Variants in COL13A1 observed in about 807,000 individuals in gnomAD.
COL13A1 encodes the protein collagen type XIII alpha 1 chain.
COL13A1 carries 89 observed loss-of-function variants against 130.9 expected under a neutral mutation model. The observed-to-expected ratio is 0.68, with a 90% CI of 0.57 to 0.81. COL13A1 has a LOEUF of 0.81. Ranked by LOEUF, COL13A1 falls within the 30% of genes least tolerant of loss-of-function variation. The probability of loss-of-function intolerance (pLI) is 0.00; values close to 1 mark genes in which losing one functional copy is unlikely to be tolerated. For missense variants in COL13A1, 879 were observed against 934.6 expected, an observed-to-expected ratio of 0.94 and a Z score of 0.78; for synonymous variants, 402 against 341.6, an observed-to-expected ratio of 1.18 and a Z score of -1.95.
intron 27 of COL13A1, among the ~76,000 whole-genome samples, chr10:69,928,297 T>G (rs1014990852): frequency 6.6e-6 from 1 of 152,182 alleles, no homozygotes. Context: ...GATAAGTGTA[T>G]ATACCCAAGT....
intron 7 of COL13A1, among the ~76,000 whole-genome samples, chr10:69,884,258 C>G (rs971789140): frequency 6.6e-6 from 1 of 152,152 alleles, no homozygotes; most frequent in Non-Finnish European, 1.5e-5. Context: ...TTTCAGTGAC[C>G]TCATGTTGGT....
intron 35 of COL13A1, among the ~76,000 whole-genome samples, chr10:69,943,132 G>A (rs1463230666): frequency 6.6e-6 from 1 of 152,220 alleles, no homozygotes; most frequent in Non-Finnish European, 1.5e-5. Context: ...ACAGCCGTGA[G>A]CCACTGCGCC....
chr10:69,891,783 C>G (rs2061197969), intron 10 of COL13A1, among the ~76,000 whole-genome samples: 1 of 152,222 alleles, frequency 6.6e-6, no homozygotes, highest in Admixed American at 6.5e-5. Context: ...ATCCTCTAGG[C>G]AGCACTCTGT....
At chr10:69,859,786 G>A (rs1026292504) in intron 2 of COL13A1, among the ~76,000 whole-genome samples, 1 of 152,248 alleles carries the variant, frequency 6.6e-6, no homozygotes, top group African/African-American at 2.4e-5. Context: ...GCAGCCGGAG[G>A]AGACTGGAGT....
intron 1 of COL13A1, among the ~76,000 whole-genome samples, chr10:69,804,486 A>G (rs1369238311): frequency 2.0e-5 from 3 of 151,868 alleles, no homozygotes; most frequent in African/African-American, 7.3e-5. Context: ...TACTGAATAC[A>G]ATCTTTTCAA....
chr10:69,889,363 A>G (rs1358229548), intron 9 of COL13A1, 51 bp from the exon 10 acceptor site: 1 of 1,589,640 alleles, frequency 6.3e-7, no homozygotes, highest in African/African-American at 1.3e-5. Context: ...AGAGGGTGGA[A>G]CTTCTGGGCT....
At position 69,802,420 on chromosome 10, in the gene COL13A1, G is replaced by A. The variant is rs1258420711; in HGVS notation, c.-4G>A. The A allele has an allele frequency of 2.0e-6, 3 of 1,487,926 alleles. No homozygotes were observed. Among genetic ancestry groups the A allele is most frequent in the Admixed American group, 2.7e-5 (1 of 36,568 alleles). 92.2% of individuals were successfully genotyped at this position (1,487,926 alleles called of 1,614,324 possible). ...TTATTTATTGGTTCTCAAGACGCGA[G>A]AGGATGGTAGCGGAGCGCACCCACA... On this transcript the variant is annotated 5_prime_UTR_variant, in exon 1 of 41. Transcript: ENST00000645393.
intron 2 of COL13A1, among the ~76,000 whole-genome samples, chr10:69,864,796 C>A (rs951255059): frequency 2.6e-5 from 4 of 152,170 alleles, no homozygotes; most frequent in African/African-American, 7.2e-5. Context: ...GTAGTGGCCT[C>A]AGCAGGAAGC....
Position 69,940,105 on chromosome 10 carries a change from C to T in COL13A1, c.1879-883C>T, listed in dbSNP as rs1025046051. ...TTTCCTGGGTGGGTTTCAGAGGCAGCTTCATAACCCAGGGTTGGAACAGGA... is the reference window on the plus strand; with the variant it reads ...TTTCCTGGGTGGGTTTCAGAGGCAGTTTCATAACCCAGGGTTGGAACAGGA... On this transcript the variant is annotated intron_variant, in intron 34 of 40. Transcript: ENST00000645393. Among the ~76,000 whole-genome samples, 17 of 152,220 alleles carry T rather than the reference C, an allele frequency of 1.1e-4. No individual in the cohort carries two copies. In the South Asian group the frequency reaches 2.7e-3, roughly 24 times the overall value.
intron 7 of COL13A1, among the ~76,000 whole-genome samples, chr10:69,881,660 C>G (rs1185699409): frequency 2.6e-5 from 4 of 152,176 alleles, no homozygotes; most frequent in African/African-American, 9.7e-5. Context: ...ACTTGAGTGG[C>G]CCTGGGCTGA....
chr10:69,915,565 G>A (rs1435678205), intron 17 of COL13A1, among the ~76,000 whole-genome samples: 2 of 152,226 alleles, frequency 1.3e-5, no homozygotes, highest in South Asian at 4.1e-4. Flanking sequence ...TCGCATTGAG[G>A]ATGCAGCGCT....
intron 1 of COL13A1, among the ~76,000 whole-genome samples, chr10:69,803,029 AG>A (rs1191811772): frequency 6.6e-6 from 1 of 152,116 alleles, no homozygotes. Context: ...GAGGCGGGCA[AG>A]CTCCACTCCT....
At chr10:69,856,949 T>G (rs900044371) in intron 2 of COL13A1, among the ~76,000 whole-genome samples, 4 of 151,834 alleles carry the variant, frequency 2.6e-5, no homozygotes, top group African/African-American at 9.7e-5. Flanking sequence ...CATCCCTGAT[T>G]GATTTCCACC....
intron 14 of COL13A1, 133 bp downstream of exon 14, chr10:69,898,895 T>G: frequency 3.2e-6 from 2 of 619,174 alleles, no homozygotes; most frequent in Non-Finnish European, 5.5e-6. Context: ...GGCCCACGTA[T>G]ACCATAGACA....
At chr10:69,828,780 AG>A (rs918287566) in intron 2 of COL13A1, among the ~76,000 whole-genome samples, 1 of 152,194 alleles carries the variant, frequency 6.6e-6, no homozygotes, top group African/African-American at 2.4e-5. Flanking sequence ...TGTACAATCC[AG>A]GCAAAACCAC....
Position 69,902,827 on chromosome 10 carries a change from C to G in COL13A1, c.830C>G (p.Pro277Arg). 1 of 1,545,264 alleles carries G rather than the reference C, an allele frequency of 6.5e-7. No individual in the cohort carries two copies. ...PPGPSGPLGH[P>R]GLPGPMGPPG... Reference sequence around the variant, plus strand: ...GGACCAAGTGGACCTCTGGGGCACCCAGGACTGCCAGGGCCTATGGGGCCA... The same window carrying G: ...GGACCAAGTGGACCTCTGGGGCACCGAGGACTGCCAGGGCCTATGGGGCCA... Residue 277 changes from proline to arginine, a missense_variant, in exon 15 of 41, where the codon CCA (proline) becomes CGA (arginine). Pro to Arg is a moderately radical substitution (Grantham distance 103). Transcript: ENST00000645393.
chr10:69,941,225 C>A (rs1330838208), intron 35 of COL13A1, among the ~76,000 whole-genome samples: 1 of 152,178 alleles, frequency 6.6e-6, no homozygotes, highest in Non-Finnish European at 1.5e-5. Flanking sequence ...TCTGAATGCC[C>A]CTGTCCACAG....
intron 7 of COL13A1, among the ~76,000 whole-genome samples, chr10:69,880,975 C>T (rs1165595281): frequency 1.3e-5 from 2 of 152,212 alleles, no homozygotes; most frequent in Non-Finnish European, 2.9e-5. Flanking sequence ...CTGGTCTTGC[C>T]GGAGGGCCAG....
At chr10:69,824,125 C>T in intron 2 of COL13A1, 1 of 472,322 alleles carries the variant, frequency 2.1e-6, no homozygotes. Flanking sequence ...TATTTAACCT[C>T]CTTGTGCCTC....
Sources: allele counts gnomAD v4.1 joint callset (sites outside exome capture counted in the v4.1 genomes callset), GRCh38; gene constraint gnomAD v4.1.1; transcripts MANE v1.5; gene names NCBI Gene and HGNC (gene_info 2026-07-23, HGNC 2026-07-21).